RMDN3: variants seen among roughly 807,000 people sequenced by gnomAD.
RMDN3 encodes regulator of microtubule dynamics 3.
In RMDN3, 41 loss-of-function variants were observed where a neutral mutation model predicts 61.8. That is an observed-to-expected ratio of 0.66 (90% CI 0.52 to 0.86). The LOEUF (loss-of-function observed/expected upper bound fraction) is 0.86, where lower values mean the gene tolerates loss of function less well. RMDN3 is among the 40% of genes least tolerant of loss of function. RMDN3 has a pLI of 0.00. For synonymous variants in RMDN3, 247 were observed against 232.0 expected, an observed-to-expected ratio of 1.06 and a Z score of -0.59; for missense variants, 557 against 585.3, an observed-to-expected ratio of 0.95 and a Z score of 0.50.
intron 6 of RMDN3, among the ~76,000 whole-genome samples, chr15:40,742,219 G>A (rs535288484): frequency 4.6e-5 from 5 of 107,590 alleles, no homozygotes; most frequent in African/African-American, 1.2e-4. Context: ...TATTGCCCAG[G>A]CTAGTCTCTA....
chr15:40,750,110 C>G (rs1013005602), intron 4 of RMDN3, among the ~76,000 whole-genome samples: 5 of 152,032 alleles, frequency 3.3e-5, no homozygotes, highest in African/African-American at 9.7e-5. Context: ...CTCTGTCACC[C>G]AGGCTGGAGT....
chr15:40,744,504 G>T (rs191642646), intron 5 of RMDN3, among the ~76,000 whole-genome samples: 17 of 152,000 alleles, frequency 1.1e-4, no homozygotes, highest in South Asian at 1.0e-3. Context: ...AACTTCTGGG[G>T]GGGGGGCATT....
At chr15:40,736,800 G>A (rs890737594) in intron 12 of RMDN3, among the ~76,000 whole-genome samples, 3 of 152,120 alleles carry the variant, frequency 2.0e-5, no homozygotes, top group African/African-American at 7.2e-5. Context: ...AAGACCTCTA[G>A]GAAAGATTAT....
Position 40,737,075 on chromosome 15 carries a change from C to G in RMDN3, c.1359+49G>C, listed in dbSNP as rs368888523. On this transcript the variant is annotated intron_variant, in intron 12 of 12. Transcript: ENST00000338376. ...TCCATGTTGGTCAGGCTGTCTCGAA[C>G]TCCCGACTTCAGGTGATCTGCCCAA... The G allele has an allele frequency of 2.4e-4, 349 of 1,484,106 alleles. 3 individuals carry two copies. The highest frequency in any genetic ancestry group is 2.9e-5 in the Non-Finnish European group (31 of 1,062,046). The allele number at this position is 1,484,106 out of a possible 1,614,324, so 91.9% of individuals were successfully genotyped here. A position where few individuals can be genotyped will look rare whatever the true frequency, so the allele number is the denominator to read the frequency against.
chr15:40,740,560 C>T (rs534051958), intron 6 of RMDN3, among the ~76,000 whole-genome samples: 214 of 152,262 alleles, frequency 1.4e-3, no homozygotes, highest in African/African-American at 4.9e-3. Flanking sequence ...GCAGGAGAAT[C>T]GCTTGAACCC....
In RMDN3 at chr15:40,745,182, C is replaced by G. The variant is rs754150342; in HGVS notation, c.602G>C (p.Ser201Thr). Residue 201 changes from serine to threonine, a missense_variant, in exon 5 of 13, where the codon AGC (serine) becomes ACC (threonine). Transcript: ENST00000338376. ...KESEDGEDEVSCETVKMGRKD... is the reference protein window; with the variant it reads ...KESEDGEDEVTCETVKMGRKD... ...TCTCCCCATCTTCACAGTCTCACAG[C>G]TCACTTCATCTTCCCCGTCCTCACT... 1.2e-6 allele frequency: 2 copies of G among 1,614,160 alleles called. No homozygotes were observed. Among genetic ancestry groups the G allele is most frequent in the South Asian group, 2.2e-5 (2 of 91,086 alleles).
At chr15:40,741,812 A>G (rs925854468) in intron 6 of RMDN3, among the ~76,000 whole-genome samples, 8 of 150,990 alleles carry the variant, frequency 5.3e-5, no homozygotes, top group African/African-American at 2.0e-4. Context: ...TATTTTTAGT[A>G]GAGACAGTTT....
chr15:40,751,716 G>A, intron 3 of RMDN3, 147 bp from the exon 4 acceptor site: 2 of 1,237,446 alleles, frequency 1.6e-6, no homozygotes, highest in South Asian at 1.2e-5. Context: ...AGGAGGGCAA[G>A]CAGGGCAGCT....
rs760011639 is a variant in RMDN3, at chr15:40,754,686, T to G, written c.98A>C (p.Gln33Pro). 1.9e-6 allele frequency: 3 copies of G among 1,613,986 alleles called. No homozygotes were observed. Among genetic ancestry groups the G allele is most frequent in the Non-Finnish European group, 2.5e-6 (3 of 1,180,024 alleles). Residue 33 changes from glutamine (Q) to proline (P), a missense_variant, in exon 2 of 13, where the codon CAG (glutamine) becomes CCG (proline). By Grantham distance (76) the Gln-to-Pro change is moderately conservative (BLOSUM62 -1). Transcript: ENST00000338376. Reference sequence around the variant, plus strand: ...ATGACGCTGGGTCCGTTTCCATCGCTGGCTGTAAAGGAGGCACAGGAATCC... The same window carrying G: ...ATGACGCTGGGTCCGTTTCCATCGCGGGCTGTAAAGGAGGCACAGGAATCC... ...GLGFLCLLYSQRWKRTQRHGR... is the reference protein window; with the variant it reads ...GLGFLCLLYSPRWKRTQRHGR...
At position 40,745,140 on chromosome 15, in the gene RMDN3, A is replaced by C; in HGVS notation, c.644T>G (p.Leu215Trp). The C allele has an allele frequency of 6.2e-7, 1 of 1,614,134 alleles. No individual in the cohort carries two copies. Among genetic ancestry groups the C allele is most frequent in the Non-Finnish European group, 8.5e-7 (1 of 1,180,012 alleles). The change falls in exon 5 of 13, where the codon TTG (leucine) becomes TGG (tryptophan). Residue 215 changes from leucine to tryptophan, a missense_variant. Transcript: ENST00000338376. ...VKMGRKDSLD[L>W]EEEAASGASS... ...GGCACCTGAAGCTGCCTCTTCCTCC[A>C]AGTCAAGAGAATCCTTTCTCCCCAT...
intron 5 of RMDN3, among the ~76,000 whole-genome samples, 164 bp downstream of exon 5, chr15:40,744,813 T>C (rs565312079): frequency 1.5e-4 from 23 of 152,142 alleles, no homozygotes; most frequent in African/African-American, 5.5e-4. Context: ...TGGAAGAGGA[T>C]ATGTGACCTG....
intron 4 of RMDN3, among the ~76,000 whole-genome samples, chr15:40,746,707 C>G (rs188310816): frequency 1.3e-5 from 2 of 152,244 alleles, no homozygotes; most frequent in Admixed American, 1.3e-4. Flanking sequence ...AGCAGCCAGA[C>G]CTGGTACCCA....
chr15:40,737,803 A>G (rs1897120660), intron 9 of RMDN3, 77 bp from the exon 10 acceptor site: 3 of 1,517,288 alleles, frequency 2.0e-6, no homozygotes, highest in Non-Finnish European at 2.7e-6. Context: ...GATATATTGA[A>G]AATAGGGTCA....
intron 6 of RMDN3, among the ~76,000 whole-genome samples, chr15:40,743,056 T>G (rs1288535138): frequency 6.6e-6 from 1 of 152,208 alleles, no homozygotes; most frequent in Non-Finnish European, 1.5e-5. Flanking sequence ...ACTGTTTGAG[T>G]ATACATTATC....
At chr15:40,741,540 A>T (rs150128055) in intron 6 of RMDN3, among the ~76,000 whole-genome samples, 159 of 151,750 alleles carry the variant, frequency 1.0e-3, no homozygotes, top group African/African-American at 3.7e-3. Flanking sequence ...GCGTCACTTA[A>T]GAGTATCGAG....
chr15:40,754,629 T>A lies in RMDN3; in HGVS notation c.155A>T (p.Asp52Val), dbSNP rs780099452. The change falls in exon 2 of 13, where the codon GAC becomes GTC. Residue 52 changes from aspartate to valine, a missense_variant. Coordinates refer to ENST00000338376, the MANE Select transcript of RMDN3 (RefSeq NM_018145.3). ...GRSQSLPNSLDYTQTSDPGRH... is the reference protein window; with the variant it reads ...GRSQSLPNSLVYTQTSDPGRH... ...TCCGGGATCTGAAGTCTGCGTATAGTCCAGGGAGTTGGGCAGGCTCTGGCT... is the reference window on the plus strand; with the variant it reads ...TCCGGGATCTGAAGTCTGCGTATAGACCAGGGAGTTGGGCAGGCTCTGGCT... 1 of 1,614,004 alleles carries A rather than the reference T, an allele frequency of 6.2e-7. No individual in the cohort carries two copies. The highest frequency in any genetic ancestry group is 1.7e-5 in the Admixed American group (1 of 60,010).
In RMDN3 at chr15:40,745,149, G is replaced by C; in HGVS notation, c.635C>G (p.Ser212Cys). The C allele has an allele frequency of 1.2e-6, 2 of 1,614,134 alleles. No homozygotes were observed. The highest frequency in any genetic ancestry group is 1.7e-6 in the Non-Finnish European group (2 of 1,180,034). Residue 212 changes from serine to cysteine, a missense_variant, in exon 5 of 13, where the codon TCT (serine) becomes TGT (cysteine). Physicochemically the swap from Ser to Cys is moderately radical, Grantham distance 112 (BLOSUM62 -1). Coordinates refer to ENST00000338376, the MANE Select transcript of RMDN3 (RefSeq NM_018145.3). ...AGCTGCCTCTTCCTCCAAGTCAAGA[G>C]AATCCTTTCTCCCCATCTTCACAGT... ...CETVKMGRKDSLDLEEEAASG... is the reference protein window; with the variant it reads ...CETVKMGRKDCLDLEEEAASG...
chr15:40,741,620 A>ATTTGTTTTTTTTTTTTT (rs1897282997), intron 6 of RMDN3, among the ~76,000 whole-genome samples: 1 of 71,724 alleles, frequency 1.4e-5, no homozygotes, highest in Non-Finnish European at 2.5e-5. Context: ...GCAACATAGG[A>ATTTGTTTTTTTTTTTTT]TTTTTTTTTT....
rs1216085619 is a variant in RMDN3 at position 40,744,951 on chromosome 15, A to G, written c.807+26T>C. 3.2e-6 allele frequency: 5 copies of G among 1,564,406 alleles called. No individual in the cohort carries two copies. In the African/African-American group the frequency reaches 6.8e-5, roughly 21 times the overall value. ...GAGATGGAGGGAGGGAGGGAAGGAG[A>G]AGGAGACAGGCAGCTGGAGCCTCAC... On this transcript the variant is annotated intron_variant, in intron 5 of 12. Transcript: ENST00000338376.
Sources: allele counts gnomAD v4.1 joint callset (sites outside exome capture counted in the v4.1 genomes callset), GRCh38; gene constraint gnomAD v4.1.1; transcripts MANE v1.5; gene names NCBI Gene and HGNC (gene_info 2026-07-23, HGNC 2026-07-21).